The following TBC1D2 variants were observed in gnomAD, a reference collection of about 807,000 sequenced individuals.
TBC1D2 encodes the protein TBC1 domain family member 2A.
Under a neutral mutation model 91.1 loss-of-function variants are expected in TBC1D2, and 58 were observed. The observed-to-expected ratio is 0.64, with a 90% CI of 0.52 to 0.79. The LOEUF is 0.79. Ranked by LOEUF, TBC1D2 falls within the 30% of genes least tolerant of loss-of-function variation. TBC1D2 has a pLI of 0.00. For missense variants in TBC1D2, 1,080 were observed against 1,208.3 expected, an observed-to-expected ratio of 0.89 and a Z score of 1.57; for synonymous variants, 482 against 511.5, an observed-to-expected ratio of 0.94 and a Z score of 0.78.
intron 7 of TBC1D2, among the ~76,000 whole-genome samples, chr9:98,211,275 C>T (rs1828830624): frequency 6.6e-6 from 1 of 152,198 alleles, no homozygotes; most frequent in African/African-American, 2.4e-5. Context: ...AAGCCCTTCC[C>T]AGGGTGCCTG....
chr9:98,224,287 T>C (rs1317365416), intron 5 of TBC1D2, among the ~76,000 whole-genome samples: 3 of 145,018 alleles, frequency 2.1e-5, no homozygotes, highest in Non-Finnish European at 4.6e-5. Context: ...TTTCTTTTTT[T>C]TTTTTTTTTT....
intron 6 of TBC1D2, among the ~76,000 whole-genome samples, chr9:98,219,067 C>G (rs1207672039): frequency 6.6e-6 from 1 of 152,206 alleles, no homozygotes; most frequent in Non-Finnish European, 1.5e-5. Flanking sequence ...CCAAAAGAAT[C>G]TCTGATTTCA....
rs370882106 is a variant in TBC1D2 at position 98,232,799 on chromosome 9, T to C, written c.781+617A>G. Among the ~76,000 whole-genome samples the C allele has an allele frequency of 1.2e-4, 19 of 152,290 alleles. No homozygotes were observed. In the East Asian group the frequency reaches 3.5e-3, roughly 28 times the overall value. On this transcript the variant is annotated intron_variant, in intron 4 of 12. Coordinates refer to ENST00000465784, the MANE Select transcript of TBC1D2 (RefSeq NM_001267571.2). ...AATATGTGTGTATAGGTCTATGCCATTTTATCACATGTGTACATTTGTTTT... is the reference window on the plus strand; with the variant it reads ...AATATGTGTGTATAGGTCTATGCCACTTTATCACATGTGTACATTTGTTTT...
chr9:98,243,533 T>C (rs943173779), intron 3 of TBC1D2, among the ~76,000 whole-genome samples: 24 of 133,698 alleles, frequency 1.8e-4, no homozygotes, highest in African/African-American at 7.1e-4. Flanking sequence ...CCAATGAATG[T>C]ATTTTTTTTT....
At chr9:98,235,252 C>T (rs769789687) in intron 3 of TBC1D2, 1 of 300,216 alleles carries the variant, frequency 3.3e-6, no homozygotes, top group Non-Finnish European at 6.7e-6. Flanking sequence ...AATTTCGGAG[C>T]ATGTAGGAAC....
chr9:98,240,716 C>T (rs987308625), intron 3 of TBC1D2, among the ~76,000 whole-genome samples: 2 of 152,174 alleles, frequency 1.3e-5, no homozygotes, highest in African/African-American at 4.8e-5. Context: ...TGGGAAAGCA[C>T]AGAAACCACA....
chr9:98,247,728 CAAAAAAAA>C (rs58713846), intron 2 of TBC1D2, among the ~76,000 whole-genome samples: 5 of 70,838 alleles, frequency 7.1e-5, no homozygotes, highest in Middle Eastern at 7.1e-3. Context: ...GACTCCGTCT[CAAAAAAAA>C]AAAAAAAAAA....
Position 98,200,598 on chromosome 9 carries a change from T to A in TBC1D2, c.2458-224A>T, listed in dbSNP as rs561144238. ...GGGGGAAGGGACGCACAGCTTGAAA[T>A]CTGGGGATTTGGACAGAGTCCTGGC... On this transcript the variant is annotated intron_variant, in intron 11 of 12. Transcript: ENST00000465784. 2.2e-4 allele frequency among the ~76,000 whole-genome samples: 34 copies of A among 152,260 alleles called. 1 individual carries two copies. In the East Asian group the frequency reaches 4.3e-3, roughly 19 times the overall value.
At position 98,200,270 on chromosome 9, in the gene TBC1D2, C is replaced by G. The variant is rs142432658; in HGVS notation, c.2562G>C (p.Lys854Asn). The G allele has an allele frequency of 4.0e-4, 651 of 1,613,496 alleles. No homozygotes were observed. Among genetic ancestry groups the G allele is most frequent in the Non-Finnish European group, 5.4e-4 (632 of 1,179,882 alleles). ...TTCCTCACCGGCTGTTGGAGATGGT[C>G]TTGGTGAAGAAGCGCAGGTACTGGT... ...EIYQYLRFFT[K>N]TISNSRKLMN... Residue 854 changes from lysine to asparagine, a missense_variant, in exon 12 of 13, where the codon AAG (lysine) becomes AAC (asparagine). Coordinates refer to ENST00000465784, the MANE Select transcript of TBC1D2 (RefSeq NM_001267571.2).
Position 98,208,927 on chromosome 9 carries a change from G to A in TBC1D2, c.1891C>T (p.Arg631Trp), listed in dbSNP as rs779729805. 37 of 1,614,014 alleles carry A rather than the reference G, an allele frequency of 2.3e-5. No homozygotes were observed. The South Asian group carries it at 2.7e-4, about 12-fold the overall frequency. Residue 631 changes from arginine to tryptophan, a missense_variant, in exon 9 of 13, where the codon CGG (arginine) becomes TGG (tryptophan). Coordinates refer to ENST00000465784, the MANE Select transcript of TBC1D2 (RefSeq NM_001267571.2). ...ACCAGCCACCTCCAGACACGAGGCC[G>A]GTGTTCACGGGGTACTCCTGCCCGC... ...LLRAGVPREHRPRVWRWLVHL... is the reference protein window; with the variant it reads ...LLRAGVPREHWPRVWRWLVHL...
At chr9:98,212,404 T>A (rs1180572765) in intron 7 of TBC1D2, among the ~76,000 whole-genome samples, 1 of 152,058 alleles carries the variant, frequency 6.6e-6, no homozygotes, top group Non-Finnish European at 1.5e-5. Flanking sequence ...TAACATTAAC[T>A]CATCCTTAGG....
chr9:98,208,829 C>T lies in TBC1D2; in HGVS notation c.1989G>A (p.Glu663=). The part of the protein sequence containing the change: ...QELLSRGQAR[E]HPAARQIELD... ...GCTCAATCTGGCGGGCAGCAGGGTGCTCGCGGGCCTGGCCCCGGCTCAGCA... is the reference window on the plus strand; with the variant it reads ...GCTCAATCTGGCGGGCAGCAGGGTGTTCGCGGGCCTGGCCCCGGCTCAGCA... The change falls in exon 9 of 13, where the codon GAG becomes GAA. Residue 663 remains glutamate, a synonymous_variant. Coordinates refer to ENST00000465784, the MANE Select transcript of TBC1D2 (RefSeq NM_001267571.2). 1 of 1,607,022 alleles carries T rather than the reference C, an allele frequency of 6.2e-7. No homozygotes were observed. Among genetic ancestry groups the T allele is most frequent in the African/African-American group, 1.3e-5 (1 of 74,918 alleles).
chr9:98,250,034 A>C (rs1414652622), intron 2 of TBC1D2, among the ~76,000 whole-genome samples: 2 of 152,148 alleles, frequency 1.3e-5, no homozygotes, highest in Admixed American at 6.5e-5. Flanking sequence ...TTAATAGAAC[A>C]CAATGGAACA....
At chr9:98,229,295 C>T in intron 4 of TBC1D2, 147 bp from the exon 5 acceptor site, 1 of 701,720 alleles carries the variant, frequency 1.4e-6, no homozygotes, top group Non-Finnish European at 2.4e-6. Context: ...AGGTCTGGGG[C>T]AGGGCTTGAG....
intron 2 of TBC1D2, among the ~76,000 whole-genome samples, chr9:98,248,500 A>G (rs1279690199): frequency 2.6e-5 from 4 of 152,230 alleles, no homozygotes; most frequent in African/African-American, 9.6e-5. Flanking sequence ...CCAGGAGGTC[A>G]CTGCCTCCCT....
intron 2 of TBC1D2, among the ~76,000 whole-genome samples, chr9:98,248,327 C>T (rs932888583): frequency 2.0e-5 from 3 of 152,258 alleles, no homozygotes; most frequent in African/African-American, 7.2e-5. Flanking sequence ...AATCAATGAC[C>T]TGAGGCTGCA....
intron 7 of TBC1D2, among the ~76,000 whole-genome samples, chr9:98,212,398 A>T (rs879004646): frequency 7.9e-5 from 12 of 151,910 alleles, no homozygotes; most frequent in African/African-American, 2.4e-4. Context: ...CCTGGATAAC[A>T]TTAACTCATC....
At chr9:98,225,894 A>G (rs1829222074) in intron 5 of TBC1D2, among the ~76,000 whole-genome samples, 1 of 152,268 alleles carries the variant, frequency 6.6e-6, no homozygotes, top group African/African-American at 2.4e-5. Context: ...GGCAATGGCC[A>G]GATCAGCTAG....
intron 3 of TBC1D2, among the ~76,000 whole-genome samples, chr9:98,241,704 C>A (rs537856061): frequency 6.6e-6 from 1 of 152,150 alleles, no homozygotes; most frequent in Admixed American, 6.5e-5. Context: ...GATAGCTGGA[C>A]TTCTCAGGCC....
Sources: gnomAD v4.1 joint callset for allele counts (sites outside exome capture counted in the v4.1 genomes callset) on GRCh38, gnomAD v4.1.1 for gene constraint, MANE v1.5 for transcripts, NCBI Gene and HGNC (gene_info 2026-07-23, HGNC 2026-07-21) for gene names.